Variants in SCO1 observed in about 807,000 individuals in gnomAD.
SCO1 encodes the protein cytochrome c oxidase assembly factor SCO1.
Under a neutral mutation model 34.0 loss-of-function variants are expected in SCO1, and 23 were observed. The ratio of observed to expected loss-of-function variants is 0.68; its 90% CI spans 0.49 to 0.96. The LOEUF (loss-of-function observed/expected upper bound fraction) is 0.96, where lower values mean the gene tolerates loss of function less well. Among genes scored for constraint, SCO1 ranks in the 40% least tolerant of loss-of-function variants. The pLI, the probability that SCO1 is intolerant of heterozygous loss-of-function variation, is 0.00. For synonymous variants in SCO1, 161 were observed against 145.5 expected, an observed-to-expected ratio of 1.11 and a Z score of -0.77; for missense variants, 404 against 381.6, an observed-to-expected ratio of 1.06 and a Z score of -0.49.
Position 10,679,615 on chromosome 17 carries a change from C to T in SCO1, c.*1504G>A, listed in dbSNP as rs1815283141. On this transcript the variant is annotated 3_prime_UTR_variant, in exon 6 of 6. Coordinates refer to ENST00000255390, the MANE Select transcript of SCO1 (RefSeq NM_004589.4). Reference sequence around the variant, plus strand: ...TTGGAGAACTTTGCCCCTAGGGCAGCAGCTTCTGGCAGAAAAAGGCCAAAC... The same window carrying T: ...TTGGAGAACTTTGCCCCTAGGGCAGTAGCTTCTGGCAGAAAAAGGCCAAAC... The T allele has an allele frequency of 6.6e-6, 1 of 152,164 alleles. No homozygotes were observed. The allele number at this position is 152,164 out of a possible 1,614,324, so 9.4% of individuals were successfully genotyped here. A position where few individuals can be genotyped will look rare whatever the true frequency, so the allele number is the denominator to read the frequency against.
rs1161362765 is a variant in SCO1 at position 10,691,878 on chromosome 17, C to G, written c.649G>C (p.Val217Leu). The change falls in exon 4 of 6, where the codon GTG becomes CTG. Residue 217 changes from valine (V) to leucine (L), a missense_variant. Physicochemically the swap from Val to Leu is conservative, Grantham distance 32. Coordinates refer to ENST00000255390, the MANE Select transcript of SCO1 (RefSeq NM_004589.4). Reference protein sequence around the residue: ...RDTKEAIANYVKEFSPKLVGL... With the variant: ...RDTKEAIANYLKEFSPKLVGL... ...GTATTATTTAAAAAAATACCTTTCA[C>G]ATAATTTGCGATGGCTTCTTTTGTG... 1 of 1,602,514 alleles carries G rather than the reference C, an allele frequency of 6.2e-7. No individual in the cohort carries two copies. Among genetic ancestry groups the G allele is most frequent in the Non-Finnish European group, 8.6e-7 (1 of 1,169,588 alleles).
In SCO1 at chr17:10,680,795, C is replaced by T. The variant is rs2074616538; in HGVS notation, c.*324G>A. 2.5e-6 allele frequency: 1 copy of T among 406,832 alleles called. No individual in the cohort carries two copies. Among genetic ancestry groups the T allele is most frequent in the Admixed American group, 3.7e-5 (1 of 26,764 alleles). 25.2% of individuals were successfully genotyped at this position (406,832 alleles called of 1,614,324 possible). ...GAGGCGGCAAAGCTGCTGGGAGGGC[C>T]TGTTCGCAGGCAGGAATGCACTGGC... is the stretch of plus-strand genomic sequence containing the variant. On this transcript the variant is annotated 3_prime_UTR_variant, in exon 6 of 6. Transcript: ENST00000255390.
intron 2 of SCO1, 88 bp from the exon 3 acceptor site, chr17:10,693,049 C>G: frequency 9.0e-7 from 1 of 1,111,602 alleles, no homozygotes; most frequent in South Asian, 1.3e-5. Context: ...CCGTACTATG[C>G]TACTCATGGT....
At position 10,673,883 on chromosome 17, in the gene SCO1, G is replaced by A. The variant is rs2074563877; in HGVS notation, c.*7236C>T. On this transcript the variant is annotated 3_prime_UTR_variant, in exon 6 of 6. Transcript: ENST00000255390. ...GTCGTCTTTGACAAAAATTTCAAAA[G>A]TGGGGCAATTAAATAATTATCAGAA... 6.6e-6 allele frequency: 1 copy of A among 152,206 alleles called. No homozygotes were observed. The allele number at this position is 152,206 out of a possible 1,614,324, so 9.4% of individuals were successfully genotyped here. A position where few individuals can be genotyped will look rare whatever the true frequency, so the allele number is the denominator to read the frequency against.
rs574922118 is a variant in SCO1, at chr17:10,677,468, G to C, written c.*3651C>G. On this transcript the variant is annotated 3_prime_UTR_variant, in exon 6 of 6. Transcript: ENST00000255390. ...CTAAACAGAAAACCAAAAAAGGTTT[G>C]GGAGATTATGGATGATTTGAAAATA... is the stretch of plus-strand genomic sequence containing the variant. 21 of 152,290 alleles carry C rather than the reference G, an allele frequency of 1.4e-4. No homozygotes were observed. Among genetic ancestry groups the C allele is most frequent in the African/African-American group, 4.8e-4 (20 of 41,556 alleles). 9.4% of individuals were successfully genotyped at this position (152,290 alleles called of 1,614,324 possible).
intron 4 of SCO1, among the ~76,000 whole-genome samples, chr17:10,689,984 G>A (rs768403307): frequency 2.0e-5 from 3 of 152,122 alleles, no homozygotes; most frequent in South Asian, 4.1e-4. Context: ...CTAGGAAAAC[G>A]GGATATCCCT....
In SCO1 at chr17:10,693,096, C is replaced by T. The variant is rs115204687; in HGVS notation, c.365-135G>A. On this transcript the variant is annotated intron_variant, in intron 2 of 5. Transcript: ENST00000255390. ...ATGTGGAAAAAACAGTTTCAGTTTTCAAGAAGCTAAAAAAATCTTTTCAGA... is the reference window on the plus strand; with the variant it reads ...ATGTGGAAAAAACAGTTTCAGTTTTTAAGAAGCTAAAAAAATCTTTTCAGA... 894 of 712,852 alleles carry T rather than the reference C, an allele frequency of 1.3e-3. 4 individuals are homozygous for T. In the African/African-American group the frequency reaches 0.014, roughly 11 times the overall value. The allele number at this position is 712,852 out of a possible 1,614,324, so 44.2% of individuals were successfully genotyped here.
intron 2 of SCO1, among the ~76,000 whole-genome samples, chr17:10,693,218 T>C (rs984851080): frequency 6.6e-6 from 1 of 152,194 alleles, no homozygotes; most frequent in African/African-American, 2.4e-5. Flanking sequence ...AACAATTCAG[T>C]CCTAAGCCAT....
rs2074587191 is a variant in SCO1 at position 10,677,322 on chromosome 17, A to T, written c.*3797T>A. 6.6e-6 allele frequency: 1 copy of T among 152,140 alleles called. No homozygotes were observed. The allele number at this position is 152,140 out of a possible 1,614,324, so 9.4% of individuals were successfully genotyped here. ...CGAGACTCCATCTCAAAAAGAAACA[A>T]ATAACAACAACAAAATAAAAACCAA... On this transcript the variant is annotated 3_prime_UTR_variant, in exon 6 of 6. Coordinates refer to ENST00000255390, the MANE Select transcript of SCO1 (RefSeq NM_004589.4).
At chr17:10,681,277 G>C in intron 5 of SCO1, 24 bp from the exon 6 acceptor site, 2 of 1,613,124 alleles carry the variant, frequency 1.2e-6, no homozygotes, top group Non-Finnish European at 1.7e-6. Context: ...GGGGGAGAGT[G>C]TGACAAAGAT....
At chr17:10,696,538 GTTAAC>G (rs938592275) in intron 1 of SCO1, among the ~76,000 whole-genome samples, 7 of 152,184 alleles carry the variant, frequency 4.6e-5, no homozygotes, top group African/African-American at 1.7e-4. Context: ...AATTTGGGAG[GTTAAC>G]TTAACTCTGG....
chr17:10,692,626 A>G (rs2074696584), intron 3 of SCO1, 138 bp downstream of exon 3: 1 of 740,432 alleles, frequency 1.4e-6, no homozygotes, highest in African/African-American at 1.7e-5. Context: ...AAAGCAACAA[A>G]CAAGCCAAAT....
At chr17:10,682,690 G>A (rs1036873247) in intron 5 of SCO1, among the ~76,000 whole-genome samples, 1 of 152,166 alleles carries the variant, frequency 6.6e-6, no homozygotes, top group African/African-American at 2.4e-5. Context: ...ATTCCTTTGG[G>A]TTGTGACAGA....
In SCO1 at chr17:10,686,717, A is replaced by G; in HGVS notation, c.771+10T>C. The stretch of plus-strand genomic sequence containing the variant: ...CTGGTCCATGGGTTAAAACTGGAAC[A>G]TTTACTCACTATGTAGTCTTCATCT... On this transcript the variant is annotated intron_variant, in intron 5 of 5. Transcript: ENST00000255390. 1 of 1,541,498 alleles carries G rather than the reference A, an allele frequency of 6.5e-7. No homozygotes were observed. The highest frequency in any genetic ancestry group is 1.1e-5 in the South Asian group (1 of 89,606).
chr17:10,696,519 A>G (rs536549408), intron 1 of SCO1, among the ~76,000 whole-genome samples: 6 of 152,308 alleles, frequency 3.9e-5, no homozygotes, highest in African/African-American at 1.4e-4. Context: ...AGATAAATAG[A>G]CCAAACGAAA....
rs1597511871 is a variant in SCO1, at chr17:10,697,405, C to T, written c.103G>A (p.Gly35Arg). Residue 35 changes from glycine (G) to arginine (R), a missense_variant, in exon 1 of 6, where the codon GGG (glycine) becomes AGG (arginine). Gly to Arg is a moderately radical substitution (Grantham distance 125). Coordinates refer to ENST00000255390, the MANE Select transcript of SCO1 (RefSeq NM_004589.4). ...RGLEFWGPAEGTARVLLRQFC... is the reference protein window; with the variant it reads ...RGLEFWGPAERTARVLLRQFC... The stretch of plus-strand genomic sequence containing the variant: ...TGCCTCAGCAAGACTCTCGCAGTCC[C>T]CTCGGCTGGGCCCCAAAACTCGAGT... 1.2e-6 allele frequency: 2 copies of T among 1,607,822 alleles called. No homozygotes were observed. The highest frequency in any genetic ancestry group is 1.3e-5 in the African/African-American group (1 of 74,808).
rs375940362 is a variant in SCO1 at position 10,686,862 on chromosome 17, G to T, written c.656-20C>A. The T allele has an allele frequency of 2.0e-6, 3 of 1,523,374 alleles. No homozygotes were observed. Among genetic ancestry groups the T allele is most frequent in the African/African-American group, 2.7e-5 (2 of 73,204 alleles). The allele number at this position is 1,523,374 out of a possible 1,614,324, so 94.4% of individuals were successfully genotyped here. On this transcript the variant is annotated intron_variant, in intron 4 of 5. Transcript: ENST00000255390. ...AAAATTCTAAATAAAAAATGAGAGA[G>T]ACAGTGAAAAATGAGAAGCCAGTAA... is the stretch of plus-strand genomic sequence containing the variant.
intron 5 of SCO1, among the ~76,000 whole-genome samples, chr17:10,686,135 G>A (rs957161573): frequency 2.6e-5 from 4 of 152,192 alleles, no homozygotes; most frequent in African/African-American, 9.6e-5. Context: ...CCAGCTACGC[G>A]AGAGGCTGAG....
rs533385775 is a variant in SCO1, at chr17:10,692,884, C to A, written c.442G>T (p.Glu148Ter). 1 of 1,614,142 alleles carries A rather than the reference C, an allele frequency of 6.2e-7. No individual in the cohort carries two copies. Among genetic ancestry groups the A allele is most frequent in the Admixed American group, 1.7e-5 (1 of 60,022 alleles). ...GPFSLTTHTG[E>*]RKTDKDYLGQ... ...AAGTAGTCCTTGTCAGTTTTACGCT[C>A]CCCAGTATGAGTTGTGAGGGAAAAC... Residue 148 changes from glutamate (E) to a stop codon, truncating the protein, a stop_gained, in exon 3 of 6, where the codon GAG becomes TAG. Coordinates refer to ENST00000255390, the MANE Select transcript of SCO1 (RefSeq NM_004589.4). LOFTEE classifies it high-confidence loss of function.
Sources: allele counts gnomAD v4.1 joint callset (sites outside exome capture counted in the v4.1 genomes callset), GRCh38; gene constraint gnomAD v4.1.1; transcripts MANE v1.5; gene names NCBI Gene and HGNC (gene_info 2026-07-23, HGNC 2026-07-21).